The following DNAJC1 variants were observed in gnomAD, a reference collection of about 807,000 sequenced individuals.
DNAJC1 encodes DnaJ heat shock protein family (Hsp40) member C1.
Under a neutral mutation model 76.6 loss-of-function variants are expected in DNAJC1, and 58 were observed. The ratio of observed to expected loss-of-function variants is 0.76; its 90% CI spans 0.61 to 0.94. DNAJC1 has a LOEUF of 0.94. Ranked by LOEUF, DNAJC1 falls within the 40% of genes least tolerant of loss-of-function variation. The probability of loss-of-function intolerance (pLI) is 0.00; values close to 1 mark genes in which losing one functional copy is unlikely to be tolerated. For synonymous variants in DNAJC1, 258 were observed against 267.9 expected, an observed-to-expected ratio of 0.96 and a Z score of 0.36; for missense variants, 689 against 677.3, an observed-to-expected ratio of 1.02 and a Z score of -0.19.
intron 1 of DNAJC1, among the ~76,000 whole-genome samples, chr10:21,989,604 T>A (rs936811137): frequency 6.6e-6 from 1 of 151,716 alleles, no homozygotes; most frequent in African/African-American, 2.4e-5. Context: ...CCACCGCCTG[T>A]GGGGAAAAAA....
intron 9 of DNAJC1, among the ~76,000 whole-genome samples, chr10:21,805,191 G>C (rs1282159223): frequency 2.0e-5 from 3 of 151,748 alleles, no homozygotes; most frequent in Admixed American, 6.6e-5. Context: ...TGGATCTATA[G>C]GATTTATTTA....
intron 8 of DNAJC1, among the ~76,000 whole-genome samples, chr10:21,881,981 T>C (rs190247833): frequency 6.4e-4 from 97 of 151,472 alleles, no homozygotes; most frequent in African/African-American, 2.2e-3. Context: ...GGTGAAACCC[T>C]GTCTCTACTA....
chr10:21,978,913 C>G (rs1246657168), intron 1 of DNAJC1, among the ~76,000 whole-genome samples: 1 of 152,092 alleles, frequency 6.6e-6, no homozygotes, highest in Non-Finnish European at 1.5e-5. Context: ...GCTAAACACA[C>G]TGTCACTGAG....
chr10:21,898,848 AAAG>A (rs1259502188), intron 7 of DNAJC1, among the ~76,000 whole-genome samples: 3 of 152,156 alleles, frequency 2.0e-5, no homozygotes, highest in African/African-American at 7.2e-5. Flanking sequence ...AAAAAAAAAA[AAAG>A]AAGATGGCTG....
At chr10:22,003,066 T>C in intron 1 of DNAJC1, 147 bp downstream of exon 1, 2 of 1,298,672 alleles carry the variant, frequency 1.5e-6, no homozygotes, top group African/African-American at 1.6e-5. Context: ...CTTCCAAGGC[T>C]GAGGACCCCG....
At chr10:21,916,975 T>C (rs1429410749) in intron 6 of DNAJC1, among the ~76,000 whole-genome samples, 1 of 152,128 alleles carries the variant, frequency 6.6e-6, no homozygotes, top group African/African-American at 2.4e-5. Flanking sequence ...AATTTTCTTC[T>C]TGAAATCCAT....
intron 3 of DNAJC1, among the ~76,000 whole-genome samples, chr10:21,924,259 A>C (rs918589840): frequency 6.6e-6 from 1 of 152,174 alleles, no homozygotes; most frequent in African/African-American, 2.4e-5. Flanking sequence ...CTGTAATCAA[A>C]TTTACAATAA....
intron 1 of DNAJC1, among the ~76,000 whole-genome samples, chr10:21,981,246 C>T (rs1838152114): frequency 6.6e-6 from 1 of 152,186 alleles, no homozygotes; most frequent in East Asian, 1.9e-4. Context: ...TTACTTCCAT[C>T]CTTTCAACTC....
chr10:21,806,214 A>C, intron 8 of DNAJC1, 115 bp from the exon 9 acceptor site: 1 of 1,145,934 alleles, frequency 8.7e-7, no homozygotes, highest in Non-Finnish European at 1.2e-6. Flanking sequence ...TATTGGCAAT[A>C]TGCTTTCTGT....
At chr10:21,882,209 T>G in intron 8 of DNAJC1, 73 bp downstream of exon 8, 38 of 1,369,522 alleles carry the variant, frequency 2.8e-5, no homozygotes, top group Non-Finnish European at 3.8e-5. Context: ...CACTATATCG[T>G]GAGCTAACCC....
Position 21,915,192 on chromosome 10 carries a change from T to C in DNAJC1, c.729+3587A>G, listed in dbSNP as rs544369944. Among the ~76,000 whole-genome samples, 8 of 152,258 alleles carry C rather than the reference T, an allele frequency of 5.3e-5. No homozygotes were observed. The South Asian group carries it at 1.0e-3, about 20-fold the overall frequency. ...ATTTGTAATTTTGTTTGGGAGGAAA[T>C]AGAAAATAATTTAGGTATACTAAGC... is the stretch of plus-strand genomic sequence containing the variant. On this transcript the variant is annotated intron_variant, in intron 6 of 11. Coordinates refer to ENST00000376980, the MANE Select transcript of DNAJC1 (RefSeq NM_022365.4).
intron 9 of DNAJC1, among the ~76,000 whole-genome samples, chr10:21,767,867 C>T (rs1000877491): frequency 1.3e-5 from 2 of 152,190 alleles, no homozygotes; most frequent in South Asian, 2.1e-4. Flanking sequence ...CGGTGGCACA[C>T]GCCTGTAATC....
chr10:21,809,295 TA>T (rs1345789836), intron 8 of DNAJC1, among the ~76,000 whole-genome samples: 1 of 152,040 alleles, frequency 6.6e-6, no homozygotes, highest in Non-Finnish European at 1.5e-5. Flanking sequence ...TTTTATACTT[TA>T]ATGACAAAAG....
At chr10:21,949,853 G>T (rs776136953) in intron 1 of DNAJC1, among the ~76,000 whole-genome samples, 1 of 151,932 alleles carries the variant, frequency 6.6e-6, no homozygotes. Context: ...ATCTAGTTGC[G>T]TATTTATTGG....
chr10:21,898,399 G>A (rs187223679), intron 7 of DNAJC1, among the ~76,000 whole-genome samples: 7 of 152,172 alleles, frequency 4.6e-5, no homozygotes, highest in African/African-American at 1.4e-4. Context: ...AAGTCATGGC[G>A]CAATGCATTA....
chr10:21,763,734 T>TA (rs1834266354), intron 10 of DNAJC1, among the ~76,000 whole-genome samples: 1 of 152,196 alleles, frequency 6.6e-6, no homozygotes, highest in South Asian at 2.1e-4. Context: ...CCTTCCACCT[T>TA]ATAAAAAGAT....
intron 9 of DNAJC1, among the ~76,000 whole-genome samples, chr10:21,791,041 T>A (rs181006238): frequency 1.3e-5 from 2 of 152,030 alleles, no homozygotes; most frequent in South Asian, 4.2e-4. Flanking sequence ...AAAAAGATAC[T>A]CCATGCAAAA....
rs770110223 is a variant in DNAJC1 at position 21,928,539 on chromosome 10, T to A, written c.338A>T (p.Tyr113Phe). ...TCGTTCATCATCCTTTAAAACTTCA[T>A]AAATGGCCACCAACTAAAATAAAAG... ...ETQFRQLVAIYEVLKDDERRQ... is the reference protein window; with the variant it reads ...ETQFRQLVAIFEVLKDDERRQ... Residue 113 changes from tyrosine (Y) to phenylalanine (F), a missense_variant, in exon 3 of 12, where the codon TAT becomes TTT. Transcript: ENST00000376980. 6.2e-7 allele frequency: 1 copy of A among 1,612,792 alleles called. No individual in the cohort carries two copies. The highest frequency in any genetic ancestry group is 8.5e-7 in the Non-Finnish European group (1 of 1,179,142).
intron 1 of DNAJC1, among the ~76,000 whole-genome samples, chr10:21,995,092 T>C (rs1406563309): frequency 6.6e-6 from 1 of 151,916 alleles, no homozygotes; most frequent in Admixed American, 6.6e-5. Context: ...CCAATAAGAT[T>C]TGCAATTAAA....
Sources: gnomAD v4.1 joint callset for allele counts (sites outside exome capture counted in the v4.1 genomes callset) on GRCh38, gnomAD v4.1.1 for gene constraint, MANE v1.5 for transcripts, NCBI Gene and HGNC (gene_info 2026-07-23, HGNC 2026-07-21) for gene names.